The following KCND3 variants were observed in gnomAD, a reference collection of about 807,000 sequenced individuals.
KCND3 encodes the protein potassium voltage-gated channel subfamily D member 3.
Under a neutral mutation model 51.1 loss-of-function variants are expected in KCND3, and 9 were observed. That is an observed-to-expected ratio of 0.18 (90% confidence interval 0.11 to 0.31). The LOEUF is 0.31. KCND3 is among the 10% of genes least tolerant of loss of function. The pLI is 1.00. For missense variants in KCND3, 526 were observed against 903.8 expected (o/e 0.58, Z 5.36); for synonymous variants, 349 against 368.0 (o/e 0.95, Z 0.59).
chr1:111,929,438 A>G (rs931891830), intron 2 of KCND3, among the ~76,000 whole-genome samples: 13 of 152,190 alleles, frequency 8.5e-5, no homozygotes, highest in Non-Finnish European at 1.3e-4. Flanking sequence ...GGGGGACATC[A>G]TTATCATCAG....
chr1:111,916,118 A>G (rs566244285), intron 2 of KCND3, among the ~76,000 whole-genome samples: 7 of 152,340 alleles, frequency 4.6e-5, no homozygotes, highest in African/African-American at 1.4e-4. Context: ...ACAACAGCAC[A>G]ATCCACATTG....
chr1:111,941,390 G>A (rs1672512255), intron 2 of KCND3, among the ~76,000 whole-genome samples: 1 of 152,072 alleles, frequency 6.6e-6, no homozygotes, highest in Non-Finnish European at 1.5e-5. Flanking sequence ...GGTCTTCAGG[G>A]ATATATAATC....
chr1:111,946,931 C>CT (rs1411541045), intron 2 of KCND3, among the ~76,000 whole-genome samples: 1 of 152,158 alleles, frequency 6.6e-6, no homozygotes, highest in Middle Eastern at 3.2e-3. Flanking sequence ...GGATTAGTCC[C>CT]TTTTTTTGCT....
At chr1:111,862,510 A>T (rs965701671) in intron 2 of KCND3, among the ~76,000 whole-genome samples, 2 of 152,258 alleles carry the variant, frequency 1.3e-5, no homozygotes, top group African/African-American at 4.8e-5. Context: ...TCTGTAAATT[A>T]TATCGTCAAG....
At chr1:111,781,591 C>T (rs1270573996) in intron 3 of KCND3, among the ~76,000 whole-genome samples, 1 of 152,096 alleles carries the variant, frequency 6.6e-6, no homozygotes, top group African/African-American at 2.4e-5. Flanking sequence ...GTGATCTCGG[C>T]TCACTGCAAC....
chr1:111,837,776 C>G (rs901646603), intron 2 of KCND3, among the ~76,000 whole-genome samples: 2 of 152,136 alleles, frequency 1.3e-5, no homozygotes, highest in African/African-American at 4.8e-5. Context: ...GATGCCCCCC[C>G]TCGAAAAACA....
intron 2 of KCND3, among the ~76,000 whole-genome samples, chr1:111,833,094 T>C (rs1666914491): frequency 6.6e-6 from 1 of 152,258 alleles, no homozygotes; most frequent in Non-Finnish European, 1.5e-5. Flanking sequence ...TTTACGGAGA[T>C]TGAGAAGAAC....
chr1:111,919,427 A>G (rs912080923), intron 2 of KCND3, among the ~76,000 whole-genome samples: 4 of 151,928 alleles, frequency 2.6e-5, no homozygotes, highest in Non-Finnish European at 5.9e-5. Context: ...AGCAAGCCCT[A>G]TGATGATGTG....
chr1:111,791,967 G>A (rs1204115253), intron 2 of KCND3, among the ~76,000 whole-genome samples: 15 of 152,182 alleles, frequency 9.9e-5, no homozygotes, highest in Admixed American at 9.8e-4. Context: ...TGGGAGTGCA[G>A]TGTCTGGAAA....
At chr1:111,815,916 CT>C (rs1286223564) in intron 2 of KCND3, among the ~76,000 whole-genome samples, 5 of 152,082 alleles carry the variant, frequency 3.3e-5, no homozygotes, top group African/African-American at 1.2e-4. Context: ...CCTTGGAAAG[CT>C]GCCCAGCCCC....
intron 2 of KCND3, among the ~76,000 whole-genome samples, chr1:111,807,678 A>AAAAAT (rs59020691): frequency 0.081 from 12,366 of 152,204 alleles, 861 homozygotes; most frequent in African/African-American, 0.18. Flanking sequence ...TCCGTCTCAA[A>AAAAAT]AAAATAAAAT....
intron 2 of KCND3, among the ~76,000 whole-genome samples, chr1:111,971,184 C>T (rs1246472354): frequency 6.6e-6 from 1 of 152,034 alleles, no homozygotes; most frequent in Non-Finnish European, 1.5e-5. Context: ...ACCCCATGTG[C>T]CATCCACATG....
At chr1:111,846,396 C>T (rs539034726) in intron 2 of KCND3, among the ~76,000 whole-genome samples, 2 of 151,620 alleles carry the variant, frequency 1.3e-5, no homozygotes, top group Non-Finnish European at 2.9e-5. Flanking sequence ...AGATACCTTT[C>T]CTCTGTACAC....
intron 2 of KCND3, among the ~76,000 whole-genome samples, chr1:111,877,822 A>G (rs1327542673): frequency 1.3e-5 from 2 of 152,118 alleles, no homozygotes; most frequent in Non-Finnish European, 2.9e-5. Flanking sequence ...CCAGCCTTGG[A>G]CTGTACATTT....
chr1:111,935,810 G>A (rs1672192927), intron 2 of KCND3, among the ~76,000 whole-genome samples: 1 of 152,184 alleles, frequency 6.6e-6, no homozygotes, highest in African/African-American at 2.4e-5. Flanking sequence ...TGCAGATCCA[G>A]AGAGTTCAAG....
At chr1:111,873,397 G>A (rs757635769) in intron 2 of KCND3, among the ~76,000 whole-genome samples, 1 of 152,194 alleles carries the variant, frequency 6.6e-6, no homozygotes, top group Non-Finnish European at 1.5e-5. Context: ...CATGTGGTAT[G>A]GAGGCACCTG....
intron 2 of KCND3, among the ~76,000 whole-genome samples, chr1:111,855,253 T>A (rs1209072776): frequency 6.6e-6 from 1 of 152,194 alleles, no homozygotes; most frequent in African/African-American, 2.4e-5. Context: ...AATGTCCAGT[T>A]GGGCAGCCTC....
At chr1:111,970,161 C>T (rs753485990) in intron 2 of KCND3, among the ~76,000 whole-genome samples, 20 of 152,004 alleles carry the variant, frequency 1.3e-4, no homozygotes, top group South Asian at 2.1e-4. Flanking sequence ...GGATTACAGG[C>T]GCCTGTCACC....
At chr1:111,845,411 A>G (rs1316921279) in intron 2 of KCND3, among the ~76,000 whole-genome samples, 1 of 152,128 alleles carries the variant, frequency 6.6e-6, no homozygotes, top group Non-Finnish European at 1.5e-5. Context: ...CTTAACCTGG[A>G]TCTTCCTTGG....
Sources: gnomAD v4.1 joint callset for allele counts (sites outside exome capture counted in the v4.1 genomes callset) on GRCh38, gnomAD v4.1.1 for gene constraint, MANE v1.5 for transcripts, NCBI Gene and HGNC (gene_info 2026-07-23, HGNC 2026-07-21) for gene names.